PLCZ1: variants seen among roughly 807,000 people sequenced by gnomAD.
PLCZ1 encodes phospholipase C zeta 1.
Under a neutral mutation model 76.8 loss-of-function variants are expected in PLCZ1, and 64 were observed. The ratio of observed to expected loss-of-function variants is 0.83; its 90% CI spans 0.68 to 1.03. The LOEUF (loss-of-function observed/expected upper bound fraction) is 1.03. Among genes scored for constraint, PLCZ1 ranks in the 50% least tolerant of loss-of-function variants. PLCZ1 has a pLI of 0.00. For missense variants in PLCZ1, 751 were observed against 713.7 expected (o/e 1.05, Z -0.60); for synonymous variants, 248 against 230.8 (o/e 1.07, Z -0.68).
chr12:18,719,085 T>C (rs984503444), intron 5 of PLCZ1, among the ~76,000 whole-genome samples: 3 of 152,200 alleles, frequency 2.0e-5, no homozygotes, highest in African/African-American at 7.2e-5. Context: ...CTTATTAAAA[T>C]AGAGGATCTT....
Position 18,723,322 on chromosome 12 carries a change from G to A in PLCZ1, c.356C>T (p.Pro119Leu), listed in dbSNP as rs373834036. Residue 119 changes from proline to leucine, a missense_variant, in exon 4 of 15, where the codon CCT becomes CTT. Coordinates refer to ENST00000266505, the MANE Select transcript of PLCZ1 (RefSeq NM_033123.4). ...IAFEIIQKYE[P>L]IEEVRKAHQM... ...AAATGCAAACATACCTTCTTCGATA[G>A]GCTCGTATTTCTGAATGATCTCAAA... 1.2e-6 allele frequency: 2 copies of A among 1,610,404 alleles called. No homozygotes were observed. The highest frequency in any genetic ancestry group is 1.3e-5 in the African/African-American group (1 of 74,750).
At chr12:18,704,016 T>C (rs374683467) in intron 7 of PLCZ1, among the ~76,000 whole-genome samples, 1 of 152,250 alleles carries the variant, frequency 6.6e-6, no homozygotes, top group African/African-American at 2.4e-5. Flanking sequence ...TGATAAAATT[T>C]GGGATAGGGA....
chr12:18,648,956 C>T, the PLCZ1 span, among the ~76,000 whole-genome samples: 1 of 152,072 alleles, frequency 6.6e-6, no homozygotes, highest in Admixed American at 6.6e-5. Context: ...GAAAAAAAAT[C>T]TAAGCTTTTT....
chr12:18,721,708 T>C (rs1283580406), intron 4 of PLCZ1, among the ~76,000 whole-genome samples: 1 of 142,578 alleles, frequency 7.0e-6, no homozygotes, highest in Non-Finnish European at 1.5e-5. Flanking sequence ...AGAGAAAGTC[T>C]TGCTATTAAA....
rs1334112989 is a variant in PLCZ1 at position 18,684,196 on chromosome 12, G to C, written c.1675C>G (p.Gln559Glu). The change falls in exon 14 of 15, where the codon CAA becomes GAA. Residue 559 changes from glutamine (Q) to glutamate (E), a missense_variant. Physicochemically the swap from Gln to Glu is conservative, Grantham distance 29 (BLOSUM62 2). Coordinates refer to ENST00000266505, the MANE Select transcript of PLCZ1 (RefSeq NM_033123.4). ...AATTCATTTCCTGCTATTAAACCTTGACCTTCAACAACAAAACGTATCAAT... is the reference window on the plus strand; with the variant it reads ...AATTCATTTCCTGCTATTAAACCTTCACCTTCAACAACAAAACGTATCAAT... ...LALIRFVVEGQGLIAGNEFLG... is the reference protein window; with the variant it reads ...LALIRFVVEGEGLIAGNEFLG... The C allele has an allele frequency of 3.1e-6, 5 of 1,612,168 alleles. No homozygotes were observed. Among genetic ancestry groups the C allele is most frequent in the Non-Finnish European group, 4.2e-6 (5 of 1,178,906 alleles).
At chr12:18,675,280 TAAAC>T in the PLCZ1 span, among the ~76,000 whole-genome samples, 1 of 152,190 alleles carries the variant, frequency 6.6e-6, no homozygotes, top group Non-Finnish European at 1.5e-5. Flanking sequence ...TGTAGTCTCA[TAAAC>T]AAATCGATGG....
intron 5 of PLCZ1, among the ~76,000 whole-genome samples, chr12:18,715,281 G>A (rs1330947970): frequency 6.7e-6 from 1 of 150,192 alleles, no homozygotes; most frequent in African/African-American, 2.4e-5. Flanking sequence ...TGATGAGGAA[G>A]TAAGGCTTTA....
At chr12:18,661,368 TA>T in the PLCZ1 span, among the ~76,000 whole-genome samples, 10 of 100,170 alleles carry the variant, frequency 1.0e-4, no homozygotes, top group South Asian at 4.1e-4. Context: ...CTGCCAAAAA[TA>T]AAAAAAAAGA....
chr12:18,719,244 A>G (rs1247400551), intron 5 of PLCZ1, among the ~76,000 whole-genome samples, 187 bp downstream of exon 5: 1 of 152,154 alleles, frequency 6.6e-6, no homozygotes, highest in Non-Finnish European at 1.5e-5. Context: ...CATACAATAA[A>G]TTACGTTGCC....
At chr12:18,734,874 A>C (rs1368839623) in intron 3 of PLCZ1, among the ~76,000 whole-genome samples, 3 of 152,172 alleles carry the variant, frequency 2.0e-5, no homozygotes, top group African/African-American at 4.8e-5. Context: ...TTTTCAGTTT[A>C]TTTTATATGA....
rs571349647 is a variant in PLCZ1 at position 18,714,658 on chromosome 12, C to T, written c.570-1672G>A. The T allele has an allele frequency of 2.6e-5, 4 of 152,174 alleles. No individual in the cohort carries two copies. The South Asian group carries it at 8.3e-4, about 32-fold the overall frequency. 9.4% of individuals were successfully genotyped at this position (152,174 alleles called of 1,614,324 possible). A position where few individuals can be genotyped will look rare whatever the true frequency, so the allele number is the denominator to read the frequency against. ...AACCAGTAAGTACATTAAATTACCC[C>T]ATGTCTACAGGCTACTGGTTTTCCA... On this transcript the variant is annotated intron_variant, in intron 5 of 14. Coordinates refer to ENST00000266505, the MANE Select transcript of PLCZ1 (RefSeq NM_033123.4).
intron 10 of PLCZ1, among the ~76,000 whole-genome samples, chr12:18,698,931 T>TA (rs959120009): frequency 2.6e-5 from 4 of 152,162 alleles, no homozygotes; most frequent in South Asian, 2.1e-4. Context: ...CCCCTGCTAC[T>TA]AAAAAAAACT....
chr12:18,685,913 A>G (rs1382351552), intron 13 of PLCZ1, among the ~76,000 whole-genome samples: 1 of 151,672 alleles, frequency 6.6e-6, no homozygotes, highest in Non-Finnish European at 1.5e-5. Flanking sequence ...CCTCACTTTC[A>G]GTTGTCAACA....
chr12:18,658,645 T>C, the PLCZ1 span, among the ~76,000 whole-genome samples: 1 of 152,162 alleles, frequency 6.6e-6, no homozygotes, highest in Non-Finnish European at 1.5e-5. Context: ...AATAATAGCA[T>C]TAAAGTACCA....
intron 3 of PLCZ1, among the ~76,000 whole-genome samples, chr12:18,733,770 C>G (rs901231135): frequency 1.3e-5 from 2 of 152,072 alleles, no homozygotes; most frequent in Non-Finnish European, 2.9e-5. Context: ...GATCAGTTGA[C>G]TATATATGAA....
At chr12:18,670,595 G>C in the PLCZ1 span, among the ~76,000 whole-genome samples, 1 of 152,062 alleles carries the variant, frequency 6.6e-6, no homozygotes, top group Admixed American at 6.5e-5. Flanking sequence ...GGTTAACTTC[G>C]TTTCTGCATA....
Position 18,688,088 on chromosome 12 carries a change from C to G in PLCZ1, c.1591+1G>C, listed in dbSNP as rs764439244. The G allele has an allele frequency of 3.7e-6, 6 of 1,610,382 alleles. No homozygotes were observed. The African/African-American group carries it at 8.0e-5, about 22-fold the overall frequency. On this transcript the variant is annotated splice_donor_variant, in intron 13 of 14. Transcript: ENST00000266505. LOFTEE classifies it high-confidence loss of function. ...TTCAATAAGGTATATCAGGAGCTCA[C>G]CATTTTTTTTAATTACACGAGTCTG...
At chr12:18,676,746 C>A in the PLCZ1 span, among the ~76,000 whole-genome samples, 1 of 152,014 alleles carries the variant, frequency 6.6e-6, no homozygotes, top group Non-Finnish European at 1.5e-5. Flanking sequence ...ACCTTTCTTT[C>A]TTCAGCAAAG....
At chr12:18,649,089 T>C in the PLCZ1 span, among the ~76,000 whole-genome samples, 3 of 152,124 alleles carry the variant, frequency 2.0e-5, no homozygotes, top group Admixed American at 2.0e-4. Flanking sequence ...AGTGAGCCCT[T>C]AATTCTGTAT....
Sources: allele counts gnomAD v4.1 joint callset (sites outside exome capture counted in the v4.1 genomes callset), GRCh38; gene constraint gnomAD v4.1.1; transcripts MANE v1.5; gene names NCBI Gene and HGNC (gene_info 2026-07-23, HGNC 2026-07-21).